ST8SIA1: variants seen among roughly 807,000 people sequenced by gnomAD.
ST8SIA1 encodes ST8 alpha-N-acetyl-neuraminide alpha-2,8-sialyltransferase 1, also known as alpha-N-acetylneuraminide alpha-2,8-sialyltransferase.
A neutral mutation model predicts 35.9 loss-of-function variants in ST8SIA1; 16 were observed. The observed-to-expected ratio is 0.45, with a 90% CI of 0.30 to 0.68. The LOEUF is 0.68. Ranked by LOEUF, ST8SIA1 falls within the 30% of genes least tolerant of loss-of-function variation. The pLI is 0.09. For missense variants in ST8SIA1, 383 were observed against 453.6 expected (o/e 0.84, Z 1.41); for synonymous variants, 170 against 169.6 (o/e 1.00, Z -0.02).
Position 22,334,387 on chromosome 12 carries a change from C to A in ST8SIA1, c.-155G>T. 12 of 623,200 alleles carry A rather than the reference C, an allele frequency of 1.9e-5. No homozygotes were observed. The South Asian group carries it at 2.1e-4, about 11-fold the overall frequency. 38.6% of individuals were successfully genotyped at this position (623,200 alleles called of 1,614,324 possible). ...GCACGCTTCTTCGGCCCCGTCGGCC[C>A]CAAAGGTCAGCGCAAGGATTTTTTC... On this transcript the variant is annotated 5_prime_UTR_variant, in exon 1 of 5. Transcript: ENST00000396037.
At chr12:22,248,712 T>C in intron 4 of ST8SIA1, 1 of 253,846 alleles carries the variant, frequency 3.9e-6, no homozygotes, top group Non-Finnish European at 7.4e-6. Context: ...AATTGAAAAG[T>C]AGCAGTAATG....
chr12:22,208,135 CAA>C (rs71053390), intron 4 of ST8SIA1, among the ~76,000 whole-genome samples: 7 of 97,796 alleles, frequency 7.2e-5, no homozygotes, highest in Non-Finnish European at 6.3e-5. Context: ...GTCTGTCTCA[CAA>C]AAAAAAAAAA....
chr12:22,318,820 T>TGA (rs1326662817), intron 1 of ST8SIA1, among the ~76,000 whole-genome samples: 2 of 152,234 alleles, frequency 1.3e-5, no homozygotes, highest in African/African-American at 4.8e-5. Context: ...TATCAGGCTT[T>TGA]GACTTGAAGC....
intron 1 of ST8SIA1, among the ~76,000 whole-genome samples, chr12:22,299,460 T>G (rs1866290704): frequency 6.6e-6 from 1 of 152,072 alleles, no homozygotes; most frequent in African/African-American, 2.4e-5. Context: ...AGAGGGATGT[T>G]CAGGACAAAC....
At chr12:22,321,537 C>T (rs1290214008) in intron 1 of ST8SIA1, among the ~76,000 whole-genome samples, 3 of 152,110 alleles carry the variant, frequency 2.0e-5, no homozygotes, top group Admixed American at 1.3e-4. Context: ...CCTGAGCAGG[C>T]GGAGGTGGTA....
At position 22,199,148 on chromosome 12, in the gene ST8SIA1, CT is replaced by C. The variant is rs1205812153; in HGVS notation, c.*2403del. On this transcript the variant is annotated 3_prime_UTR_variant, in exon 5 of 5. Transcript: ENST00000396037. The stretch of plus-strand genomic sequence containing the variant: ...AAAATTTCCACATAATATTTTCTTT[CT>C]TTTTCTTTTCTTTTTTTTTTTTTTG... The C allele has an allele frequency of 7.6e-6, 1 of 131,770 alleles. No homozygotes were observed. Among genetic ancestry groups the C allele is most frequent in the Non-Finnish European group, 1.6e-5 (1 of 64,252 alleles). 8.2% of individuals were successfully genotyped at this position (131,770 alleles called of 1,614,324 possible).
chr12:22,241,581 A>G (rs905668085), intron 4 of ST8SIA1, among the ~76,000 whole-genome samples: 11 of 149,552 alleles, frequency 7.4e-5, no homozygotes, highest in African/African-American at 2.7e-4. Context: ...TTCTTTAAGA[A>G]TTACCCAGAC....
chr12:22,208,025 C>G (rs1000324668), intron 4 of ST8SIA1, among the ~76,000 whole-genome samples: 1 of 151,316 alleles, frequency 6.6e-6, no homozygotes. Context: ...TGCCTGTAAT[C>G]TCAGCTCAGG....
chr12:22,287,034 G>A (rs370507908), intron 2 of ST8SIA1, 115 bp downstream of exon 2: 52 of 952,734 alleles, frequency 5.5e-5, no homozygotes, highest in East Asian at 3.8e-4. Flanking sequence ...CATTTAAAGA[G>A]AGAAGAAAGA....
intron 4 of ST8SIA1, among the ~76,000 whole-genome samples, chr12:22,239,066 TGTTA>T (rs1865508939): frequency 6.6e-6 from 1 of 152,234 alleles, no homozygotes; most frequent in Non-Finnish European, 1.5e-5. Context: ...CCATTTTTAC[TGTTA>T]GAGGAAGTTC....
intron 3 of ST8SIA1, 127 bp downstream of exon 3, chr12:22,255,153 G>T: frequency 1.4e-6 from 1 of 736,954 alleles, no homozygotes; most frequent in Non-Finnish European, 2.3e-6. Context: ...TGAGCTGGAA[G>T]TGAAGCTAAG....
chr12:22,334,249 C>T lies in ST8SIA1; in HGVS notation c.-17G>A. On this transcript the variant is annotated 5_prime_UTR_variant, in exon 1 of 5. Coordinates refer to ENST00000396037, the MANE Select transcript of ST8SIA1 (RefSeq NM_003034.4). ...GGGGCTCATCGCAGCCCCGGCGTCC[C>T]AGGGGCGGGGGCCGGGGCCTCAGCA... 1.2e-6 allele frequency: 2 copies of T among 1,602,726 alleles called. No homozygotes were observed. Among genetic ancestry groups the T allele is most frequent in the South Asian group, 1.1e-5 (1 of 90,768 alleles).
rs1474559025 is a variant in ST8SIA1, at chr12:22,306,377, C to T, written c.237-19084G>A. Among the ~76,000 whole-genome samples the T allele has an allele frequency of 2.0e-5, 3 of 151,992 alleles. No individual in the cohort carries two copies. The East Asian group carries it at 5.8e-4, about 29-fold the overall frequency. On this transcript the variant is annotated intron_variant, in intron 1 of 4. Coordinates refer to ENST00000396037, the MANE Select transcript of ST8SIA1 (RefSeq NM_003034.4). ...CTTTCTTTCTTTTTTTTAGTATGCC[C>T]TCATTTTGGAATAGCTTACAATCTA...
intron 2 of ST8SIA1, among the ~76,000 whole-genome samples, chr12:22,260,676 C>T (rs1020449317): frequency 1.3e-5 from 2 of 152,012 alleles, no homozygotes; most frequent in African/African-American, 4.8e-5. Context: ...AGGACTATTA[C>T]GAGAGTTAAA....
chr12:22,221,319 A>G (rs1192079440), intron 4 of ST8SIA1, among the ~76,000 whole-genome samples: 1 of 152,162 alleles, frequency 6.6e-6, no homozygotes, highest in Admixed American at 6.6e-5. Context: ...GGAGGTAAAT[A>G]AAGAGGTATT....
At chr12:22,315,759 C>T (rs1866510497) in intron 1 of ST8SIA1, among the ~76,000 whole-genome samples, 1 of 141,422 alleles carries the variant, frequency 7.1e-6, no homozygotes, top group South Asian at 2.3e-4. Context: ...CATTCACAAA[C>T]CCCTTAATGT....
Position 22,198,192 on chromosome 12 carries a change from C to T in ST8SIA1, c.*3360G>A, listed in dbSNP as rs1361132783. 2.6e-5 allele frequency: 4 copies of T among 152,060 alleles called. No individual in the cohort carries two copies. The highest frequency in any genetic ancestry group is 5.9e-5 in the Non-Finnish European group (4 of 68,016). 9.4% of individuals were successfully genotyped at this position (152,060 alleles called of 1,614,324 possible). On this transcript the variant is annotated 3_prime_UTR_variant, in exon 5 of 5. Coordinates refer to ENST00000396037, the MANE Select transcript of ST8SIA1 (RefSeq NM_003034.4). ...GATCAGCCTAATTTTTATGACTACA[C>T]AACAATTTTTTTAATTAGTCTGATG...
intron 4 of ST8SIA1, among the ~76,000 whole-genome samples, chr12:22,226,849 T>G (rs572361654): frequency 6.6e-6 from 1 of 152,194 alleles, no homozygotes; most frequent in East Asian, 1.9e-4. Context: ...CAATTCTTAT[T>G]AAGTCACCAA....
chr12:22,299,367 G>A lies in ST8SIA1; in HGVS notation c.237-12074C>T, dbSNP rs561118265. Among the ~76,000 whole-genome samples, 15 of 152,216 alleles carry A rather than the reference G, an allele frequency of 9.9e-5. No individual in the cohort carries two copies. In the East Asian group the frequency reaches 2.5e-3, roughly 25 times the overall value. ...TAAAGAGGTATTTTCTGGTAAGAAA[G>A]CTTAAAGAGAAATCATTTTATATGA... On this transcript the variant is annotated intron_variant, in intron 1 of 4. Coordinates refer to ENST00000396037, the MANE Select transcript of ST8SIA1 (RefSeq NM_003034.4).
Sources: gnomAD v4.1 joint callset for allele counts (sites outside exome capture counted in the v4.1 genomes callset) on GRCh38, gnomAD v4.1.1 for gene constraint, MANE v1.5 for transcripts, NCBI Gene and HGNC (gene_info 2026-07-23, HGNC 2026-07-21) for gene names.